ZFYVE9: variants seen among roughly 807,000 people sequenced by gnomAD.
ZFYVE9 encodes the protein zinc finger FYVE-type containing 9.
Under a neutral mutation model 126.7 loss-of-function variants are expected in ZFYVE9, and 43 were observed. The ratio of observed to expected loss-of-function variants is 0.34; its 90% CI spans 0.27 to 0.44. The LOEUF is 0.44. ZFYVE9 is among the 20% of genes least tolerant of loss of function. The pLI, the probability that ZFYVE9 is intolerant of heterozygous loss-of-function variation, is 1.00. For synonymous variants in ZFYVE9, 521 were observed against 597.4 expected, an observed-to-expected ratio of 0.87 and a Z score of 1.87; for missense variants, 1,476 against 1,697.0, an observed-to-expected ratio of 0.87 and a Z score of 2.29.
At chr1:52,195,138 A>G (rs905243670) in intron 1 of ZFYVE9, among the ~76,000 whole-genome samples, 7 of 152,220 alleles carry the variant, frequency 4.6e-5, no homozygotes, top group African/African-American at 1.7e-4. Context: ...TAGTGTTTAT[A>G]TGTTATTAAA....
intron 12 of ZFYVE9, among the ~76,000 whole-genome samples, chr1:52,298,998 C>T (rs367693590): frequency 1.8e-4 from 27 of 151,942 alleles, no homozygotes; most frequent in East Asian, 9.7e-4. Context: ...TTAGTAGAGA[C>T]GGGGTTTCAC....
chr1:52,320,067 A>T (rs1646224430), intron 13 of ZFYVE9, among the ~76,000 whole-genome samples: 1 of 83,674 alleles, frequency 1.2e-5, no homozygotes, highest in Non-Finnish European at 2.6e-5. Flanking sequence ...TTCTTAGATG[A>T]TGTTAAGACC....
intron 1 of ZFYVE9, among the ~76,000 whole-genome samples, chr1:52,214,625 G>A (rs1412921604): frequency 6.6e-6 from 1 of 152,090 alleles, no homozygotes; most frequent in East Asian, 1.9e-4. Context: ...AATATTATTT[G>A]TATTAGGGTT....
At chr1:52,320,195 C>G (rs916565515) in intron 13 of ZFYVE9, among the ~76,000 whole-genome samples, 1 of 151,764 alleles carries the variant, frequency 6.6e-6, no homozygotes, top group African/African-American at 2.4e-5. Flanking sequence ...CTCATCCTCC[C>G]GAGTACCTGG....
At chr1:52,201,844 C>T (rs1644926266) in intron 1 of ZFYVE9, among the ~76,000 whole-genome samples, 1 of 151,890 alleles carries the variant, frequency 6.6e-6, no homozygotes, top group South Asian at 2.1e-4. Context: ...AGTGCAGTGG[C>T]ACGATCTTGG....
At position 52,198,124 on chromosome 1, in the gene ZFYVE9, G is replaced by GTT. The variant is rs34521113; in HGVS notation, c.-142-18231_-142-18230dup. Reference sequence around the variant, plus strand: ...AATATTGTAGTGTTTTTTTTTGTTTGTTTTTTTTTTTTTTTGAGATGGAGT... The same window carrying GTT: ...AATATTGTAGTGTTTTTTTTTGTTTGTTTTTTTTTTTTTTTTTGAGATGGAGT... On this transcript the variant is annotated intron_variant, in intron 1 of 18. Coordinates refer to ENST00000287727, the MANE Select transcript of ZFYVE9 (RefSeq NM_004799.4). Among the ~76,000 whole-genome samples, 150 of 128,174 alleles carry GTT rather than the reference G, an allele frequency of 1.2e-3. 7 individuals are homozygous for GTT. The East Asian group carries it at 0.023, about 19-fold the overall frequency. 84.1% of individuals were successfully genotyped at this position (128,174 alleles called of 152,430 possible). A position where few individuals can be genotyped will look rare whatever the true frequency, so the allele number is the denominator to read the frequency against.
At chr1:52,328,610 G>A (rs1184726632) in intron 13 of ZFYVE9, among the ~76,000 whole-genome samples, 1 of 152,162 alleles carries the variant, frequency 6.6e-6, no homozygotes, top group African/African-American at 2.4e-5. Flanking sequence ...ATGTTTCTTA[G>A]TCTGCTTAGT....
At chr1:52,316,175 A>AAG (rs1646182584) in intron 13 of ZFYVE9, among the ~76,000 whole-genome samples, 1 of 147,880 alleles carries the variant, frequency 6.8e-6, no homozygotes, top group Admixed American at 6.8e-5. Flanking sequence ...CAAAAAAAAA[A>AAG]AAAAAAAAAA....
At chr1:52,171,364 G>A (rs1159022669) in intron 1 of ZFYVE9, among the ~76,000 whole-genome samples, 1 of 152,180 alleles carries the variant, frequency 6.6e-6, no homozygotes, top group Non-Finnish European at 1.5e-5. Context: ...ATTCCATGGT[G>A]TATATGTGCC....
At chr1:52,231,982 A>G (rs1049362329) in intron 2 of ZFYVE9, among the ~76,000 whole-genome samples, 1 of 152,214 alleles carries the variant, frequency 6.6e-6, no homozygotes, top group African/African-American at 2.4e-5. Context: ...TTATTTGTAA[A>G]ATGAGGGAAA....
At chr1:52,181,661 C>G (rs1360977649) in intron 1 of ZFYVE9, among the ~76,000 whole-genome samples, 1 of 151,894 alleles carries the variant, frequency 6.6e-6, no homozygotes, top group Non-Finnish European at 1.5e-5. Flanking sequence ...CGGCCGCCAT[C>G]CCATCTAGGA....
chr1:52,271,740 C>T (rs971197421), intron 7 of ZFYVE9, among the ~76,000 whole-genome samples: 5 of 152,000 alleles, frequency 3.3e-5, no homozygotes, highest in East Asian at 1.9e-4. Flanking sequence ...GATGCCATAC[C>T]GGAAAATTTT....
At chr1:52,156,876 A>T (rs893678070) in intron 1 of ZFYVE9, among the ~76,000 whole-genome samples, 3 of 147,322 alleles carry the variant, frequency 2.0e-5, no homozygotes, top group African/African-American at 7.5e-5. Context: ...GCTGTCGCCC[A>T]GGCTGGAGTG....
chr1:52,172,493 T>G (rs1285727381), intron 1 of ZFYVE9, among the ~76,000 whole-genome samples: 6 of 152,236 alleles, frequency 3.9e-5, no homozygotes, highest in Admixed American at 3.9e-4. Flanking sequence ...GGCTCTTTTT[T>G]GGTTCCTTAT....
intron 1 of ZFYVE9, among the ~76,000 whole-genome samples, chr1:52,148,418 G>C (rs1644323999): frequency 1.3e-5 from 2 of 151,878 alleles, no homozygotes; most frequent in South Asian, 4.2e-4. Context: ...AACCAGGGAG[G>C]CGGAGGTTGC....
At chr1:52,255,090 CAAAA>C (rs564246034) in intron 4 of ZFYVE9, among the ~76,000 whole-genome samples, 1 of 62,116 alleles carries the variant, frequency 1.6e-5, no homozygotes, top group Non-Finnish European at 3.4e-5. Context: ...GACCATGTCT[CAAAA>C]AAAAAAAAAA....
At chr1:52,180,859 C>T (rs920311492) in intron 1 of ZFYVE9, among the ~76,000 whole-genome samples, 2 of 151,116 alleles carry the variant, frequency 1.3e-5, no homozygotes, top group Non-Finnish European at 2.9e-5. Context: ...CCTGTAATCC[C>T]AGTTACTCAG....
intron 1 of ZFYVE9, among the ~76,000 whole-genome samples, chr1:52,186,701 A>G (rs533290110): frequency 2.6e-5 from 4 of 152,282 alleles, no homozygotes; most frequent in South Asian, 2.1e-4. Context: ...TAGAAACGCA[A>G]TCCCATTCAC....
Position 52,238,423 on chromosome 1 carries a change from G to A in ZFYVE9, c.1006G>A (p.Gly336Ser), listed in dbSNP as rs770706827. 3 of 1,613,910 alleles carry A rather than the reference G, an allele frequency of 1.9e-6. No homozygotes were observed. The highest frequency in any genetic ancestry group is 2.7e-5 in the African/African-American group (2 of 74,914). Residue 336 changes from glycine to serine, a missense_variant, in exon 4 of 19, where the codon GGT (glycine) becomes AGT (serine). Coordinates refer to ENST00000287727, the MANE Select transcript of ZFYVE9 (RefSeq NM_004799.4). ...CACCACTGAAGAATCCCTCCGGTCT[G>A]GTTTACCTTTGCTTCTCAAACCAGA... ...ESTTEESLRSGLPLLLKPDMP... is the reference protein window; with the variant it reads ...ESTTEESLRSSLPLLLKPDMP...
Sources: gnomAD v4.1 joint callset for allele counts (sites outside exome capture counted in the v4.1 genomes callset) on GRCh38, gnomAD v4.1.1 for gene constraint, MANE v1.5 for transcripts, NCBI Gene and HGNC (gene_info 2026-07-23, HGNC 2026-07-21) for gene names.